Variants in CTNND2 observed in about 807,000 individuals in gnomAD.
The protein encoded by CTNND2 is catenin delta 2.
In CTNND2, 22 loss-of-function variants were observed where a neutral mutation model predicts 144.4. The observed-to-expected ratio is 0.15, with a 90% CI of 0.11 to 0.22. CTNND2 has a LOEUF of 0.22. CTNND2 is among the 10% of genes least tolerant of loss of function. The pLI is 1.00. For missense variants in CTNND2, 1,353 were observed against 1,618.8 expected, an observed-to-expected ratio of 0.84 and a Z score of 2.82; for synonymous variants, 751 against 695.6, an observed-to-expected ratio of 1.08 and a Z score of -1.25.
chr5:11,540,474 T>C (rs911087221), intron 3 of CTNND2, among the ~76,000 whole-genome samples: 3 of 152,204 alleles, frequency 2.0e-5, no homozygotes, highest in Admixed American at 6.5e-5. Context: ...AATAAATGGT[T>C]ACGACACAGA....
intron 3 of CTNND2, among the ~76,000 whole-genome samples, chr5:11,561,657 C>T (rs535255786): frequency 6.6e-6 from 1 of 152,284 alleles, no homozygotes; most frequent in East Asian, 1.9e-4. Flanking sequence ...TCCTCCTGTA[C>T]TATTGGATGG....
At chr5:11,830,101 C>T (rs191409458) in intron 1 of CTNND2, among the ~76,000 whole-genome samples, 177 of 152,302 alleles carry the variant, frequency 1.2e-3, no homozygotes, top group Non-Finnish European at 2.0e-3. Flanking sequence ...TTACCCAATG[C>T]CTGTACCAAC....
chr5:11,099,290 G>T (rs1254268859), intron 14 of CTNND2, among the ~76,000 whole-genome samples: 1 of 152,104 alleles, frequency 6.6e-6, no homozygotes, highest in African/African-American at 2.4e-5. Flanking sequence ...AGAGAAAACT[G>T]CTATAGTCTA....
chr5:11,233,929 T>C (rs545740660), intron 10 of CTNND2, among the ~76,000 whole-genome samples: 3 of 151,664 alleles, frequency 2.0e-5, no homozygotes, highest in East Asian at 3.9e-4. Flanking sequence ...CTCAGTCATA[T>C]ACCACCCTTC....
intron 9 of CTNND2, among the ~76,000 whole-genome samples, chr5:11,344,701 T>C (rs1754597546): frequency 6.6e-6 from 1 of 152,160 alleles, no homozygotes. Context: ...ACCCTTCTTA[T>C]TGGTGTTTTT....
intron 16 of CTNND2, among the ~76,000 whole-genome samples, chr5:11,035,524 G>A (rs1743974387): frequency 6.6e-6 from 1 of 152,194 alleles, no homozygotes; most frequent in Non-Finnish European, 1.5e-5. Context: ...CTCAAGGTTA[G>A]CTGATTATAA....
intron 16 of CTNND2, among the ~76,000 whole-genome samples, chr5:11,053,049 A>G (rs1746005000): frequency 6.6e-6 from 1 of 152,210 alleles, no homozygotes; most frequent in Non-Finnish European, 1.5e-5. Flanking sequence ...TAGGCAATTT[A>G]CTGAAAGTTT....
At chr5:11,029,927 A>G (rs1743263739) in intron 16 of CTNND2, among the ~76,000 whole-genome samples, 1 of 151,982 alleles carries the variant, frequency 6.6e-6, no homozygotes, top group African/African-American at 2.4e-5. Flanking sequence ...TCCCTTTAGG[A>G]TTTCTTACAG....
intron 2 of CTNND2, among the ~76,000 whole-genome samples, chr5:11,574,505 T>G (rs998420653): frequency 1.3e-5 from 2 of 152,078 alleles, no homozygotes; most frequent in African/African-American, 4.8e-5. Context: ...ACAGCAAAAA[T>G]AATAGCACAA....
intron 2 of CTNND2, among the ~76,000 whole-genome samples, chr5:11,593,510 C>T (rs779110738): frequency 1.1e-4 from 17 of 152,128 alleles, no homozygotes; most frequent in Non-Finnish European, 2.1e-4. Flanking sequence ...TTGTAGCTCC[C>T]GTAATTCCCA....
chr5:11,298,551 T>A (rs1398815094), intron 9 of CTNND2, among the ~76,000 whole-genome samples: 1 of 152,200 alleles, frequency 6.6e-6, no homozygotes, highest in Non-Finnish European at 1.5e-5. Flanking sequence ...TCCCAAACCC[T>A]TTCTATTTTG....
rs548768272 is a variant in CTNND2 at position 11,327,613 on chromosome 5, T to C, written c.1628+18759A>G. 3.3e-5 allele frequency among the ~76,000 whole-genome samples: 5 copies of C among 152,320 alleles called. No homozygotes were observed. In the South Asian group the frequency reaches 1.0e-3, roughly 32 times the overall value. On this transcript the variant is annotated intron_variant, in intron 9 of 21. Transcript: ENST00000304623. Reference sequence around the variant, plus strand: ...GTCAAGTGATCCTGGGGCCTTATTATGCCACTGATGTTATAATTACAAGCA... The same window carrying C: ...GTCAAGTGATCCTGGGGCCTTATTACGCCACTGATGTTATAATTACAAGCA...
intron 9 of CTNND2, among the ~76,000 whole-genome samples, chr5:11,336,483 CTTTTAG>C (rs547290614): frequency 2.6e-5 from 4 of 152,234 alleles, no homozygotes; most frequent in African/African-American, 9.6e-5. Context: ...TGAATTTATA[CTTTTAG>C]TTTTCAACAC....
intron 2 of CTNND2, among the ~76,000 whole-genome samples, chr5:11,603,186 T>C (rs1319057390): frequency 6.6e-6 from 1 of 152,156 alleles, no homozygotes; most frequent in Non-Finnish European, 1.5e-5. Flanking sequence ...ATCATTGGGA[T>C]AGAAGTATAA....
chr5:11,680,436 A>G (rs1231258543), intron 2 of CTNND2, among the ~76,000 whole-genome samples: 1 of 152,142 alleles, frequency 6.6e-6, no homozygotes, highest in Non-Finnish European at 1.5e-5. Context: ...TTTAGTGGAA[A>G]GAGACCAGGG....
intron 10 of CTNND2, among the ~76,000 whole-genome samples, chr5:11,229,065 G>C (rs986806085): frequency 2.6e-5 from 4 of 152,124 alleles, no homozygotes; most frequent in Non-Finnish European, 5.9e-5. Flanking sequence ...GACAGCTGAA[G>C]CTACTTTTTG....
At chr5:11,798,055 C>T (rs1377856503) in intron 1 of CTNND2, among the ~76,000 whole-genome samples, 3 of 151,354 alleles carry the variant, frequency 2.0e-5, no homozygotes, top group Middle Eastern at 3.4e-3. Flanking sequence ...GTGAGGAGTT[C>T]GAGACCAGCC....
intron 21 of CTNND2, among the ~76,000 whole-genome samples, chr5:10,978,120 T>C (rs866426194): frequency 2.0e-5 from 3 of 152,198 alleles, no homozygotes; most frequent in South Asian, 2.1e-4. Flanking sequence ...GCTTCGATGC[T>C]GAAACTGACC....
chr5:11,533,125 G>A (rs1773901762), intron 3 of CTNND2, among the ~76,000 whole-genome samples: 1 of 152,188 alleles, frequency 6.6e-6, no homozygotes, highest in Non-Finnish European at 1.5e-5. Flanking sequence ...TGGGCTAAGA[G>A]GAGTCAAGAG....
Sources: allele counts gnomAD v4.1 joint callset (sites outside exome capture counted in the v4.1 genomes callset), GRCh38; gene constraint gnomAD v4.1.1; transcripts MANE v1.5; gene names NCBI Gene and HGNC (gene_info 2026-07-23, HGNC 2026-07-21).